The following TNNI3K variants were observed in gnomAD, a reference collection of about 807,000 sequenced individuals.
The protein encoded by TNNI3K is serine/threonine-protein kinase TNNI3K.
A neutral mutation model predicts 114.5 loss-of-function variants in TNNI3K; 140 were observed. The observed-to-expected ratio is 1.22, with a 90% confidence interval of 1.07 to 1.41. The LOEUF (loss-of-function observed/expected upper bound fraction) is 1.41, where lower values mean the gene tolerates loss of function less well. TNNI3K is among the 40% of genes most tolerant of loss of function. The pLI, the probability that TNNI3K is intolerant of heterozygous loss-of-function variation, is 0.00. For missense variants in TNNI3K, 1,125 were observed against 1,007.6 expected, an observed-to-expected ratio of 1.12 and a Z score of -1.58; for synonymous variants, 347 against 347.5, an observed-to-expected ratio of 1.00 and a Z score of 0.02.
chr1:74,369,856 A>G (rs941103912), intron 16 of TNNI3K: 6 of 343,256 alleles, frequency 1.7e-5, no homozygotes, highest in Non-Finnish European at 3.1e-5. Context: ...AATTAGGCTA[A>G]ATTTGAAATA....
chr1:74,436,178 G>A, intron 18 of TNNI3K, 46 bp downstream of exon 18: 2 of 1,602,372 alleles, frequency 1.2e-6, no homozygotes, highest in Non-Finnish European at 1.7e-6. Flanking sequence ...GTTCCTAGCT[G>A]GTACAATATG....
chr1:74,323,165 T>A (rs1375855605), intron 5 of TNNI3K, among the ~76,000 whole-genome samples: 2 of 152,190 alleles, frequency 1.3e-5, no homozygotes. Context: ...TGACTATCAC[T>A]GAACAACCTT....
At chr1:74,479,068 G>C (rs1315086248) in intron 21 of TNNI3K, among the ~76,000 whole-genome samples, 4 of 152,132 alleles carry the variant, frequency 2.6e-5, no homozygotes, top group Non-Finnish European at 1.5e-5. Context: ...TAATTCACTA[G>C]ATAACTGTTA....
chr1:74,471,456 A>T (rs1667928883), intron 21 of TNNI3K: 3 of 400,570 alleles, frequency 7.5e-6, no homozygotes, highest in African/African-American at 6.2e-5. Context: ...TTCTAAAAGG[A>T]TGTAAATTTA....
At chr1:74,300,816 G>T (rs1658279780) in intron 5 of TNNI3K, among the ~76,000 whole-genome samples, 1 of 152,130 alleles carries the variant, frequency 6.6e-6, no homozygotes, top group South Asian at 2.1e-4. Context: ...TTGCTATCTG[G>T]CTAGCCTTGG....
At chr1:74,307,342 A>G (rs1658705606) in intron 5 of TNNI3K, among the ~76,000 whole-genome samples, 2 of 152,182 alleles carry the variant, frequency 1.3e-5, no homozygotes, top group Admixed American at 1.3e-4. Flanking sequence ...CAAATTGGAT[A>G]AAAATCGAGA....
intron 17 of TNNI3K, among the ~76,000 whole-genome samples, chr1:74,419,951 A>G (rs1279653169): frequency 1.3e-5 from 2 of 152,154 alleles, no homozygotes; most frequent in Non-Finnish European, 2.9e-5. Context: ...AGGGTGTGAT[A>G]CAACATAAAT....
chr1:74,472,138 C>A, intron 21 of TNNI3K: 1 of 717,214 alleles, frequency 1.4e-6, no homozygotes. Flanking sequence ...CTTCTCAAGA[C>A]TTTCTCCTGC....
intron 23 of TNNI3K, among the ~76,000 whole-genome samples, chr1:74,499,351 G>T (rs566458459): frequency 6.6e-6 from 1 of 152,160 alleles, no homozygotes; most frequent in South Asian, 2.1e-4. Flanking sequence ...TTACTATGTT[G>T]CCCAGGCTGG....
intron 5 of TNNI3K, among the ~76,000 whole-genome samples, chr1:74,277,200 T>C (rs1452499915): frequency 6.6e-6 from 1 of 152,166 alleles, no homozygotes; most frequent in Non-Finnish European, 1.5e-5. Context: ...ATAACTACTG[T>C]CAGACTCAGT....
intron 17 of TNNI3K, among the ~76,000 whole-genome samples, chr1:74,427,909 G>T (rs2100648260): frequency 6.6e-6 from 1 of 151,540 alleles, no homozygotes; most frequent in Middle Eastern, 3.4e-3. Context: ...TGCTTTTTAT[G>T]GTGCTGAGCA....
intron 9 of TNNI3K, among the ~76,000 whole-genome samples, chr1:74,350,182 C>T (rs140608589): frequency 0.074 from 11,189 of 152,100 alleles, 587 homozygotes; most frequent in African/African-American, 0.14. Context: ...TCTTTGTTCT[C>T]GTTGGTTTCA....
chr1:74,391,369 A>T (rs914654272), intron 17 of TNNI3K, among the ~76,000 whole-genome samples: 1 of 152,196 alleles, frequency 6.6e-6, no homozygotes, highest in Non-Finnish European at 1.5e-5. Flanking sequence ...TAGAATGGTG[A>T]CAGTGGACAT....
intron 23 of TNNI3K, among the ~76,000 whole-genome samples, chr1:74,498,163 C>T (rs1669430016): frequency 6.6e-6 from 1 of 152,168 alleles, no homozygotes; most frequent in South Asian, 2.1e-4. Context: ...TACAGACAAA[C>T]TAGAAGTTCC....
At chr1:74,269,529 C>T (rs1204626618) in intron 4 of TNNI3K, among the ~76,000 whole-genome samples, 2 of 151,586 alleles carry the variant, frequency 1.3e-5, no homozygotes, top group Admixed American at 6.6e-5. Flanking sequence ...TAGGAAGCTG[C>T]GTAATACAGA....
At chr1:74,455,616 G>A (rs1385603276) in intron 20 of TNNI3K, among the ~76,000 whole-genome samples, 3 of 152,222 alleles carry the variant, frequency 2.0e-5, no homozygotes, top group South Asian at 2.1e-4. Context: ...AGTCAGTGAT[G>A]TAATTCAGTG....
chr1:74,312,747 A>G (rs1342637677), intron 5 of TNNI3K, among the ~76,000 whole-genome samples: 3 of 152,210 alleles, frequency 2.0e-5, no homozygotes, highest in Admixed American at 6.5e-5. Flanking sequence ...TTAGGAAAAG[A>G]AGAAATCCTG....
intron 7 of TNNI3K, among the ~76,000 whole-genome samples, chr1:74,339,013 G>C (rs1307411062): frequency 6.6e-6 from 1 of 151,974 alleles, no homozygotes; most frequent in Non-Finnish European, 1.5e-5. Context: ...CTCTTCCAAG[G>C]GGTCAGGAAC....
At position 74,265,475 on chromosome 1, in the gene TNNI3K, G is replaced by A. The variant is rs1435072622; in HGVS notation, c.334-6123G>A. The stretch of plus-strand genomic sequence containing the variant: ...CTGAACACAGCTCTAATGCTGCAGT[G>A]GGTCCTGAAATAACTGAGAAAGCTG... On this transcript the variant is annotated intron_variant, in intron 4 of 24. Coordinates refer to ENST00000326637, the MANE Select transcript of TNNI3K (RefSeq NM_015978.3). 3.3e-5 allele frequency among the ~76,000 whole-genome samples: 5 copies of A among 151,992 alleles called. No homozygotes were observed. The East Asian group carries it at 9.7e-4, about 30-fold the overall frequency.
Sources: gnomAD v4.1 joint callset for allele counts (sites outside exome capture counted in the v4.1 genomes callset) on GRCh38, gnomAD v4.1.1 for gene constraint, MANE v1.5 for transcripts, NCBI Gene and HGNC (gene_info 2026-07-23, HGNC 2026-07-21) for gene names.